Variants in ALK observed in about 807,000 individuals in gnomAD.
The protein encoded by ALK is ALK tyrosine kinase receptor.
In ALK, 74 loss-of-function variants were observed where a neutral mutation model predicts 163.1. The ratio of observed to expected loss-of-function variants is 0.45; its 90% CI spans 0.38 to 0.55. The LOEUF (loss-of-function observed/expected upper bound fraction) is 0.55. ALK is among the 20% of genes least tolerant of loss of function. The pLI, the probability that ALK is intolerant of heterozygous loss-of-function variation, is 0.00. For synonymous variants in ALK, 960 were observed against 843.2 expected (o/e 1.14, Z -2.40); for missense variants, 2,063 against 2,105.3 (o/e 0.98, Z 0.39).
chr2:29,830,792 T>C (rs1336625882), intron 1 of ALK, among the ~76,000 whole-genome samples: 1 of 135,302 alleles, frequency 7.4e-6, no homozygotes, highest in Non-Finnish European at 1.5e-5. Flanking sequence ...TAGTCCCAGC[T>C]ACTTGGGAGG....
intron 3 of ALK, among the ~76,000 whole-genome samples, chr2:29,585,985 A>T (rs1674875829): frequency 6.6e-6 from 1 of 152,182 alleles, no homozygotes; most frequent in African/African-American, 2.4e-5. Flanking sequence ...ACTGCTTTAC[A>T]GTTGTAAAAT....
chr2:29,885,179 G>C (rs1666955899), intron 1 of ALK, among the ~76,000 whole-genome samples: 1 of 152,142 alleles, frequency 6.6e-6, no homozygotes, highest in Non-Finnish European at 1.5e-5. Context: ...AAGTTATTTT[G>C]ATATTGGATA....
chr2:29,296,860 G>A (rs550235829), intron 9 of ALK, 28 bp downstream of exon 9: 1 of 1,613,868 alleles, frequency 6.2e-7, no homozygotes, highest in East Asian at 2.2e-5. Flanking sequence ...AGAGGAGAAG[G>A]GTATTGGGGG....
intron 11 of ALK, among the ~76,000 whole-genome samples, 155 bp from the exon 12 acceptor site, chr2:29,251,422 G>A (rs1432566421): frequency 2.6e-5 from 4 of 152,206 alleles, no homozygotes; most frequent in Non-Finnish European, 5.9e-5. Context: ...ATCAGCCATC[G>A]AACTGGAAAC....
At chr2:29,644,399 T>TAAA (rs112270659) in intron 3 of ALK, among the ~76,000 whole-genome samples, 1 of 146,830 alleles carries the variant, frequency 6.8e-6, no homozygotes, top group African/African-American at 2.5e-5. Context: ...AAAGTATATT[T>TAAA]AAAAAAAAAA....
intron 5 of ALK, among the ~76,000 whole-genome samples, chr2:29,367,150 A>C (rs1439020915): frequency 2.6e-5 from 4 of 152,168 alleles, no homozygotes; most frequent in Admixed American, 6.5e-5. Context: ...CAGTGTGTGC[A>C]TCCAGTATGT....
chr2:29,447,951 G>T (rs985177760), intron 4 of ALK, among the ~76,000 whole-genome samples: 1 of 152,140 alleles, frequency 6.6e-6, no homozygotes, highest in Admixed American at 6.5e-5. Context: ...GTAGTGAAAG[G>T]GTGAACAAAA....
intron 3 of ALK, among the ~76,000 whole-genome samples, chr2:29,573,489 A>C (rs1209369903): frequency 6.6e-6 from 1 of 152,214 alleles, no homozygotes; most frequent in Non-Finnish European, 1.5e-5. Flanking sequence ...CTATTTCTTA[A>C]AATGTAAAAA....
At chr2:29,429,576 C>A (rs372311756) in intron 4 of ALK, among the ~76,000 whole-genome samples, 3 of 151,800 alleles carry the variant, frequency 2.0e-5, no homozygotes, top group East Asian at 3.9e-4. Flanking sequence ...TGAAGGAAAT[C>A]AAATAAGATT....
At chr2:29,895,457 G>A (rs1327575939) in intron 1 of ALK, among the ~76,000 whole-genome samples, 1 of 152,230 alleles carries the variant, frequency 6.6e-6, no homozygotes, top group Non-Finnish European at 1.5e-5. Flanking sequence ...CAAGAATTGA[G>A]GCTGGAAGCA....
At chr2:29,640,118 T>C (rs1444805508) in intron 3 of ALK, among the ~76,000 whole-genome samples, 1 of 152,194 alleles carries the variant, frequency 6.6e-6, no homozygotes, top group East Asian at 1.9e-4. Context: ...AGTTCCCCCT[T>C]CTGTCTCCAT....
intron 3 of ALK, among the ~76,000 whole-genome samples, chr2:29,572,887 C>T (rs949579292): frequency 1.3e-5 from 2 of 152,156 alleles, no homozygotes; most frequent in Admixed American, 6.5e-5. Context: ...CCCTGGACAG[C>T]GGGATTGTGG....
rs1673125717 is a variant in ALK, at chr2:29,531,801, C to T, written c.1154+114G>A. On this transcript the variant is annotated intron_variant, in intron 4 of 28. Transcript: ENST00000389048. Reference sequence around the variant, plus strand: ...GTAGTAATTGCTCAACCTGGACCTACCGATTAAAGGACAATCATGAGTTTG... The same window carrying T: ...GTAGTAATTGCTCAACCTGGACCTATCGATTAAAGGACAATCATGAGTTTG... The T allele has an allele frequency of 6.2e-6, 7 of 1,121,196 alleles. No homozygotes were observed. The South Asian group carries it at 9.0e-5, about 14-fold the overall frequency. The allele number at this position is 1,121,196 out of a possible 1,614,324, so 69.5% of individuals were successfully genotyped here.
chr2:29,622,636 G>C (rs990169091), intron 3 of ALK, among the ~76,000 whole-genome samples: 5 of 152,156 alleles, frequency 3.3e-5, no homozygotes, highest in African/African-American at 1.2e-4. Flanking sequence ...CAGCTTCTCT[G>C]TATGACCTGG....
intron 3 of ALK, among the ~76,000 whole-genome samples, chr2:29,681,623 C>A (rs188983877): frequency 6.6e-6 from 1 of 152,164 alleles, no homozygotes; most frequent in Non-Finnish European, 1.5e-5. Context: ...AGACTCTGTC[C>A]TATCTCCATT....
intron 4 of ALK, among the ~76,000 whole-genome samples, chr2:29,484,354 T>G (rs1307567786): frequency 6.6e-6 from 1 of 152,098 alleles, no homozygotes; most frequent in Non-Finnish European, 1.5e-5. Flanking sequence ...TGTGTATATA[T>G]CTATATATAC....
rs190661157 is a variant in ALK, at chr2:29,653,147, A to G, written c.952+41703T>C. On this transcript the variant is annotated intron_variant, in intron 3 of 28. Coordinates refer to ENST00000389048, the MANE Select transcript of ALK (RefSeq NM_004304.5). ...AGGATACCCAGCTGGTGTTTGCTGC[A>G]GAACTTCCTGCTTGCTTGGTGTGCG... Among the ~76,000 whole-genome samples the G allele has an allele frequency of 1.7e-3, 266 of 152,284 alleles. 1 individual carries two copies. The highest frequency in any genetic ancestry group is 6.3e-3 in the African/African-American group (260 of 41,584).
intron 4 of ALK, among the ~76,000 whole-genome samples, chr2:29,391,883 T>G (rs2148307935): frequency 6.6e-6 from 1 of 152,354 alleles, no homozygotes; most frequent in African/African-American, 2.4e-5. Flanking sequence ...TTAGGCCAGC[T>G]ACCTAACCTA....
rs56071005 is a variant in ALK at position 29,220,757 on chromosome 2, G to A, written c.3594C>T (p.Leu1198=). The change falls in exon 23 of 29, where the codon CTC becomes CTT. Residue 1198 remains leucine (L), a synonymous_variant. Transcript: ENST00000389048. ...QSLPRFILLE[L]MAGGDLKSFL... is the part of the protein sequence containing the mutation. ...AGGACTTGAGGTCTCCCCCCGCCATGAGCTCCAGCAGGATGAACCGGGGCA... is the reference window on the plus strand; with the variant it reads ...AGGACTTGAGGTCTCCCCCCGCCATAAGCTCCAGCAGGATGAACCGGGGCA... 2.4e-3 allele frequency: 3,938 copies of A among 1,614,006 alleles called. 12 individuals are homozygous for A. Among genetic ancestry groups the A allele is most frequent in the Non-Finnish European group, 3.1e-3 (3,692 of 1,179,892 alleles).
Sources: allele counts gnomAD v4.1 joint callset (sites outside exome capture counted in the v4.1 genomes callset), GRCh38; gene constraint gnomAD v4.1.1; transcripts MANE v1.5; gene names NCBI Gene and HGNC (gene_info 2026-07-23, HGNC 2026-07-21).